The following SH3PXD2A variants were observed in gnomAD, a reference collection of about 807,000 sequenced individuals.
SH3PXD2A encodes the protein SH3 and PX domain-containing protein 2A.
SH3PXD2A carries 32 observed loss-of-function variants against 115.2 expected under a neutral mutation model. That is an observed-to-expected ratio of 0.28 (90% confidence interval 0.21 to 0.37). The LOEUF (loss-of-function observed/expected upper bound fraction) is 0.37, where lower values mean the gene tolerates loss of function less well. Ranked by LOEUF, SH3PXD2A falls within the 10% of genes least tolerant of loss-of-function variation. The pLI is 1.00. For missense variants in SH3PXD2A, 1,328 were observed against 1,498.7 expected (o/e 0.89, Z 1.88); for synonymous variants, 610 against 629.1 (o/e 0.97, Z 0.45).
chr10:103,720,213 T>C (rs1336715087), intron 5 of SH3PXD2A, among the ~76,000 whole-genome samples: 1 of 152,236 alleles, frequency 6.6e-6, no homozygotes, highest in African/African-American at 2.4e-5. Flanking sequence ...GCAAGGGCCT[T>C]GCTGGAGCCT....
chr10:103,810,378 A>G (rs1564894762), intron 1 of SH3PXD2A, among the ~76,000 whole-genome samples: 1 of 152,206 alleles, frequency 6.6e-6, no homozygotes, highest in Non-Finnish European at 1.5e-5. Context: ...GGGCAGTGGG[A>G]CGCACACTGA....
chr10:103,703,787 T>C (rs1190216127), intron 5 of SH3PXD2A, among the ~76,000 whole-genome samples: 1 of 152,102 alleles, frequency 6.6e-6, no homozygotes, highest in Non-Finnish European at 1.5e-5. Context: ...TACTGGCTAC[T>C]TTATTGGACA....
intron 1 of SH3PXD2A, among the ~76,000 whole-genome samples, chr10:103,813,275 G>A (rs1050278909): frequency 6.6e-6 from 1 of 152,020 alleles, no homozygotes; most frequent in African/African-American, 2.4e-5. Flanking sequence ...TGAGAGAGAG[G>A]AGAAATGGGA....
In SH3PXD2A at chr10:103,831,769, C is replaced by T. The variant is rs541251658; in HGVS notation, c.72+23426G>A. On this transcript the variant is annotated intron_variant, in intron 1 of 14. Coordinates refer to ENST00000369774, the MANE Select transcript of SH3PXD2A (RefSeq NM_001394015.1). The stretch of plus-strand genomic sequence containing the variant: ...CCACTATCTAATTCCAGAACATTTT[C>T]AACACCCCAAAAAGAAACCTCATGG... Among the ~76,000 whole-genome samples, 13 of 152,266 alleles carry T rather than the reference C, an allele frequency of 8.5e-5. No homozygotes were observed. In the South Asian group the frequency reaches 1.4e-3, roughly 17 times the overall value.
intron 7 of SH3PXD2A, among the ~76,000 whole-genome samples, chr10:103,667,975 G>A: frequency 6.6e-6 from 1 of 152,168 alleles, no homozygotes; most frequent in Non-Finnish European, 1.5e-5. Context: ...AGTCCCTGAG[G>A]GCCATCTCAG....
intron 1 of SH3PXD2A, among the ~76,000 whole-genome samples, chr10:103,843,832 G>A (rs1424208692): frequency 6.6e-6 from 1 of 152,136 alleles, no homozygotes; most frequent in Non-Finnish European, 1.5e-5. Flanking sequence ...CCAGTGATGG[G>A]GCAAGATGCT....
chr10:103,765,236 C>T (rs1435668877), intron 3 of SH3PXD2A, among the ~76,000 whole-genome samples: 2 of 152,146 alleles, frequency 1.3e-5, no homozygotes, highest in Non-Finnish European at 2.9e-5. Context: ...AGTACACAAG[C>T]CTTTGCCCTG....
rs201159794 is a variant in SH3PXD2A, at chr10:103,602,509, G to A, written c.2709C>T (p.Asp903=). 597 of 1,614,024 alleles carry A rather than the reference G, an allele frequency of 3.7e-4. 1 individual carries two copies. The highest frequency in any genetic ancestry group is 4.5e-4 in the Non-Finnish European group (536 of 1,180,020). ...YLVLDENEQP[D]PSGKELDTVP... is the part of the protein sequence containing the mutation. ...CTGTGTCCAGCTCTTTGCCAGAGGG[G>A]TCAGGTTGCTCGTTCTCATCCAGCA... The change falls in exon 15 of 15, where the codon GAC becomes GAT. Residue 903 remains aspartate (D), a synonymous_variant. Transcript: ENST00000369774.
intron 1 of SH3PXD2A, among the ~76,000 whole-genome samples, chr10:103,814,005 AAAAAAAAAAAC>A (rs2039297450): frequency 7.6e-6 from 1 of 131,236 alleles, no homozygotes; most frequent in Non-Finnish European, 1.7e-5. Flanking sequence ...TAGCTAAAAA[AAAAAAAAAAAC>A]AACAAAAAAA....
At chr10:103,804,754 A>G (rs2039184551) in intron 1 of SH3PXD2A, among the ~76,000 whole-genome samples, 1 of 152,178 alleles carries the variant, frequency 6.6e-6, no homozygotes, top group South Asian at 2.1e-4. Flanking sequence ...AAGAAGACAC[A>G]GAACTGGGGG....
At chr10:103,624,518 C>G (rs2036661112) in intron 9 of SH3PXD2A, among the ~76,000 whole-genome samples, 1 of 152,164 alleles carries the variant, frequency 6.6e-6, no homozygotes. Context: ...GTCTCAACTC[C>G]CACCCTTCCT....
At chr10:103,750,775 G>A (rs929523885) in intron 3 of SH3PXD2A, among the ~76,000 whole-genome samples, 1 of 147,626 alleles carries the variant, frequency 6.8e-6, no homozygotes, top group Non-Finnish European at 1.5e-5. Context: ...TTTGTTGAGG[G>A]GCACGGGCTT....
intron 8 of SH3PXD2A, among the ~76,000 whole-genome samples, chr10:103,647,769 C>T (rs1389949163): frequency 6.6e-6 from 1 of 152,174 alleles, no homozygotes; most frequent in Admixed American, 6.5e-5. Flanking sequence ...AGGTTCAAGC[C>T]ACCCTGGTTC....
intron 6 of SH3PXD2A, among the ~76,000 whole-genome samples, chr10:103,671,839 C>G (rs2037465264): frequency 6.6e-6 from 1 of 152,226 alleles, no homozygotes; most frequent in South Asian, 2.1e-4. Context: ...CTGCCTTCCT[C>G]CTGTCCCTGC....
chr10:103,852,727 C>T (rs974277352), intron 1 of SH3PXD2A, among the ~76,000 whole-genome samples: 16 of 152,342 alleles, frequency 1.1e-4, no homozygotes, highest in African/African-American at 3.1e-4. Context: ...CTGTCTGTCC[C>T]ACCAGGCCCT....
Position 103,602,737 on chromosome 10 carries a change from G to A in SH3PXD2A, c.2481C>T (p.Ala827=). ...TCTTGGTGGGACATGGGGGAGTGGT[G>A]GCTGGGAGGGTGATGAGGTCGGATG... The part of the protein sequence containing the change: ...RSSSDLITLP[A]TTPPCPTKKE... The change falls in exon 15 of 15, where the codon GCC becomes GCT. Residue 827 remains alanine (A), a synonymous_variant. Transcript: ENST00000369774. 1 of 1,614,102 alleles carries A rather than the reference G, an allele frequency of 6.2e-7. No individual in the cohort carries two copies. Among genetic ancestry groups the A allele is most frequent in the Non-Finnish European group, 8.5e-7 (1 of 1,179,996 alleles).
At chr10:103,623,017 T>G (rs551706755) in intron 9 of SH3PXD2A, among the ~76,000 whole-genome samples, 262 of 152,252 alleles carry the variant, frequency 1.7e-3, no homozygotes, top group African/African-American at 5.2e-3. Flanking sequence ...CGTGCTACCT[T>G]GGACAGGCAC....
At chr10:103,622,626 G>T in intron 9 of SH3PXD2A, 73 bp from the exon 10 acceptor site, 1 of 913,648 alleles carries the variant, frequency 1.1e-6, no homozygotes. Context: ...AGGATGAGAT[G>T]GGATGGGGGT....
At chr10:103,624,128 G>C (rs2036653765) in intron 9 of SH3PXD2A, among the ~76,000 whole-genome samples, 1 of 152,248 alleles carries the variant, frequency 6.6e-6, no homozygotes, top group Non-Finnish European at 1.5e-5. Context: ...TCTTAGCACA[G>C]ACTCTGCACC....
Sources: allele counts gnomAD v4.1 joint callset (sites outside exome capture counted in the v4.1 genomes callset), GRCh38; gene constraint gnomAD v4.1.1; transcripts MANE v1.5; gene names NCBI Gene and HGNC (gene_info 2026-07-23, HGNC 2026-07-21).